The following EDA variants were observed in gnomAD, a reference collection of about 807,000 sequenced individuals.
EDA encodes ectodysplasin-A.
In EDA, 2 loss-of-function variants were observed where a neutral mutation model predicts 23.6. That is an observed-to-expected ratio of 0.08 (90% confidence interval 0.03 to 0.27). The LOEUF (loss-of-function observed/expected upper bound fraction) is 0.27. Among genes scored for constraint, EDA ranks in the 10% least tolerant of loss-of-function variants. EDA has a pLI of 1.00. For missense variants in EDA, 229 were observed against 324.2 expected, an observed-to-expected ratio of 0.71 and a Z score of 2.26; for synonymous variants, 131 against 132.0, an observed-to-expected ratio of 0.99 and a Z score of 0.05.
chrX:69,733,596 G>C (rs774562350), intron 1 of EDA, among the ~76,000 whole-genome samples: 1 of 111,540 alleles, frequency 9.0e-6, no homozygotes, highest in Non-Finnish European at 1.9e-5. Context: ...CTCTTTTTTG[G>C]TTCCATATGA....
intron 1 of EDA, among the ~76,000 whole-genome samples, chrX:69,697,956 A>C (rs1313424267): frequency 8.9e-6 from 1 of 112,017 alleles, no homozygotes; most frequent in Non-Finnish European, 1.9e-5. Context: ...AAATTGCCGC[A>C]TGCATTTGGT....
At chrX:69,628,571 A>T (rs1569276225) in intron 1 of EDA, among the ~76,000 whole-genome samples, 1 of 111,342 alleles carries the variant, frequency 9.0e-6, no homozygotes, top group Non-Finnish European at 1.9e-5. Context: ...TTCTGTTTGG[A>T]TTCCCAGCTG....
chrX:69,651,747 G>A (rs1316629396), intron 1 of EDA, among the ~76,000 whole-genome samples: 4 of 111,282 alleles, frequency 3.6e-5, no homozygotes, highest in Non-Finnish European at 7.5e-5. Context: ...TGCTGATGCA[G>A]GAGAGAGATG....
At chrX:69,961,297 T>C (rs956227085) in intron 2 of EDA, among the ~76,000 whole-genome samples, 1 of 111,151 alleles carries the variant, frequency 9.0e-6, no homozygotes, top group Non-Finnish European at 1.9e-5. Context: ...CTAGGAACTA[T>C]AGATATTAAG....
intron 1 of EDA, among the ~76,000 whole-genome samples, chrX:69,831,411 T>C (rs1450864433): frequency 8.9e-6 from 1 of 112,691 alleles, no homozygotes; most frequent in Non-Finnish European, 1.9e-5. Flanking sequence ...GGCTGCATAG[T>C]ATTTGATGGT....
In EDA at chrX:70,035,783, C is replaced by T; in HGVS notation, c.*174C>T. On this transcript the variant is annotated 3_prime_UTR_variant, in exon 8 of 8. Coordinates refer to ENST00000374552, the MANE Select transcript of EDA (RefSeq NM_001399.5). ...AGGGTGACAAGGCCTGCTTGACTTT[C>T]CAGAATGACCTTGAGTTAACAGGAC... 1 of 562,823 alleles carries T rather than the reference C, an allele frequency of 1.8e-6. No individual in the cohort carries two copies. Among genetic ancestry groups the T allele is most frequent in the Non-Finnish European group, 2.8e-6 (1 of 355,543 alleles). 46.4% of individuals were successfully genotyped at this position (562,823 alleles called of 1,213,427 possible). A position where few individuals can be genotyped will look rare whatever the true frequency, so the allele number is the denominator to read the frequency against.
At chrX:70,022,310 CTTATTTTATT>C (rs200615364) in intron 2 of EDA, among the ~76,000 whole-genome samples, 8 of 109,646 alleles carry the variant, frequency 7.3e-5, no homozygotes, top group East Asian at 2.8e-4. Flanking sequence ...GTTGACATGT[CTTATTTTATT>C]TTATTTTATT....
chrX:69,813,583 A>G (rs985827569), intron 1 of EDA, among the ~76,000 whole-genome samples: 5 of 111,999 alleles, frequency 4.5e-5, no homozygotes, highest in African/African-American at 1.3e-4. Context: ...GGGACTATCT[A>G]TCTTCGGTCT....
At chrX:69,638,818 G>A (rs1003807578) in intron 1 of EDA, among the ~76,000 whole-genome samples, 83 of 111,431 alleles carry the variant, frequency 7.4e-4, no homozygotes, top group African/African-American at 2.1e-3. Flanking sequence ...TAGGTGTACC[G>A]TTCAGTGGCA....
intron 1 of EDA, among the ~76,000 whole-genome samples, chrX:69,879,328 T>C (rs942577195): frequency 2.7e-5 from 3 of 112,381 alleles, no homozygotes; most frequent in Non-Finnish European, 3.8e-5. Flanking sequence ...TATTCCTTGT[T>C]GCTGTTCTTT....
chrX:69,783,754 G>A (rs1490094580), intron 1 of EDA, among the ~76,000 whole-genome samples: 42 of 110,649 alleles, frequency 3.8e-4, no homozygotes, highest in African/African-American at 9.5e-4. Flanking sequence ...ATAAACATAC[G>A]TGTGCATGTG....
chrX:69,888,978 T>TAGATATATATATATATATATATATATA lies in EDA; in HGVS notation c.397-68049_397-68048insAGATATATATATATATATATATATATA, dbSNP rs1556026049. ...GTGGAATTGTTGTATTGTGGGGTAG[T>TAGATATATATATATATATATATATATA]TATATATATATATATATATATATAT... is the stretch of plus-strand genomic sequence containing the variant. On this transcript the variant is annotated intron_variant, in intron 1 of 7. Coordinates refer to ENST00000374552, the MANE Select transcript of EDA (RefSeq NM_001399.5). 4.4e-4 allele frequency among the ~76,000 whole-genome samples: 7 copies of TAGATATATATATATATATATATATATA among 16,030 alleles called. 1 individual carries two copies. The highest frequency in any genetic ancestry group is 7.2e-4 in the Non-Finnish European group (7 of 9,680). 13.9% of individuals were successfully genotyped at this position (16,030 alleles called of 115,157 possible). A position where few individuals can be genotyped will look rare whatever the true frequency, so the allele number is the denominator to read the frequency against.
intron 1 of EDA, among the ~76,000 whole-genome samples, chrX:69,734,525 G>A (rs184129337): frequency 9.0e-6 from 1 of 111,572 alleles, no homozygotes; most frequent in Non-Finnish European, 1.9e-5. Context: ...GAGGTTAGAT[G>A]ACTAATGTTA....
At chrX:69,732,163 C>T (rs2013058501) in intron 1 of EDA, among the ~76,000 whole-genome samples, 1 of 111,465 alleles carries the variant, frequency 9.0e-6, no homozygotes, top group Non-Finnish European at 1.9e-5. Context: ...AGGTTTGTTA[C>T]ATATGTATAC....
At chrX:69,875,729 C>T (rs1222754759) in intron 1 of EDA, among the ~76,000 whole-genome samples, 1 of 111,119 alleles carries the variant, frequency 9.0e-6, no homozygotes. Flanking sequence ...TCTTTACAAA[C>T]TATGCATCTG....
intron 2 of EDA, among the ~76,000 whole-genome samples, chrX:69,990,283 C>A (rs1324633291): frequency 9.0e-6 from 1 of 111,030 alleles, no homozygotes; most frequent in Non-Finnish European, 1.9e-5. Flanking sequence ...GTAGGTCCCA[C>A]ACTTGGTCTC....
intron 1 of EDA, among the ~76,000 whole-genome samples, chrX:69,711,502 C>T (rs1222464440): frequency 1.8e-5 from 2 of 111,632 alleles, no homozygotes; most frequent in Admixed American, 1.9e-4. Context: ...ATGATGCTGA[C>T]CTCATAAAAT....
intron 2 of EDA, among the ~76,000 whole-genome samples, chrX:70,020,457 G>A (rs1398105284): frequency 9.1e-6 from 1 of 110,420 alleles, no homozygotes; most frequent in African/African-American, 3.3e-5. Context: ...TACTCGGGAG[G>A]CTGAGACAGG....
At chrX:69,978,318 T>TTAAAAAA (rs2019345823) in intron 2 of EDA, among the ~76,000 whole-genome samples, 1 of 20,420 alleles carries the variant, frequency 4.9e-5, no homozygotes, top group African/African-American at 1.3e-4. Context: ...ACTCCATCTC[T>TTAAAAAA]AAAAAAAAAA....
Sources: gnomAD v4.1 joint callset for allele counts (sites outside exome capture counted in the v4.1 genomes callset) on GRCh38, gnomAD v4.1.1 for gene constraint, MANE v1.5 for transcripts, NCBI Gene and HGNC (gene_info 2026-07-23, HGNC 2026-07-21) for gene names.